Variants in ECT2 observed in about 807,000 individuals in gnomAD.
ECT2 encodes protein ECT2.
ECT2 carries 61 observed loss-of-function variants against 116.9 expected under a neutral mutation model. The observed-to-expected ratio is 0.52, with a 90% CI of 0.42 to 0.65. The LOEUF is 0.65. ECT2 is among the 30% of genes least tolerant of loss of function. The probability of loss-of-function intolerance (pLI) is 0.00; values close to 1 mark genes in which losing one functional copy is unlikely to be tolerated. For missense variants in ECT2, 937 were observed against 1,078.7 expected, an observed-to-expected ratio of 0.87 and a Z score of 1.84; for synonymous variants, 358 against 346.4, an observed-to-expected ratio of 1.03 and a Z score of -0.37.
rs1717148960 is a variant in ECT2 at position 172,757,142 on chromosome 3, T to G, written c.463T>G (p.Leu155Val). 3 of 1,510,836 alleles carry G rather than the reference T, an allele frequency of 2.0e-6. No individual in the cohort carries two copies. The highest frequency in any genetic ancestry group is 2.6e-6 in the Non-Finnish European group (3 of 1,134,968). The allele number at this position is 1,510,836 out of a possible 1,614,324, so 93.6% of individuals were successfully genotyped here. A position where few individuals can be genotyped will look rare whatever the true frequency, so the allele number is the denominator to read the frequency against. Residue 155 changes from leucine to valine, a missense_variant, in exon 5 of 25, where the codon TTA (leucine) becomes GTA (valine). Coordinates refer to ENST00000392692, the MANE Select transcript of ECT2 (RefSeq NM_001258315.2). Reference sequence around the variant, plus strand: ...TAGAGTTATTGGACCACCAGTTGTATTAAATTGTTCACAAAAAGGAGAGGT... The same window carrying G: ...TAGAGTTATTGGACCACCAGTTGTAGTAAATTGTTCACAAAAAGGAGAGGT... ...DCRVIGPPVV[L>V]NCSQKGEPLP...
At chr3:172,805,610 A>G in intron 20 of ECT2, 121 bp from the exon 21 acceptor site, 1 of 979,882 alleles carries the variant, frequency 1.0e-6, no homozygotes, top group Non-Finnish European at 1.5e-6. Context: ...ACAACTTTGT[A>G]ACGAATAATA....
intron 12 of ECT2, among the ~76,000 whole-genome samples, chr3:172,766,726 A>G (rs576707537): frequency 2.0e-5 from 3 of 152,340 alleles, no homozygotes; most frequent in African/African-American, 7.2e-5. Context: ...GAGAAATCCA[A>G]GTTACATTAA....
intron 14 of ECT2, among the ~76,000 whole-genome samples, chr3:172,775,971 G>A (rs1721590711): frequency 6.6e-6 from 1 of 152,088 alleles, no homozygotes; most frequent in African/African-American, 2.4e-5. Flanking sequence ...CTAACTTTGT[G>A]GATCAATTTG....
chr3:172,820,951 G>A lies in ECT2; in HGVS notation c.*714G>A, dbSNP rs943860204. ...TTTGTAGCTGTTTCAGAGAGAGTAC[G>A]GTATATTTATGGTAATTTTATCCAC... On this transcript the variant is annotated 3_prime_UTR_variant, in exon 25 of 25. Coordinates refer to ENST00000392692, the MANE Select transcript of ECT2 (RefSeq NM_001258315.2). The A allele has an allele frequency of 4.6e-5, 7 of 151,800 alleles. 1 individual carries two copies. The East Asian group carries it at 1.2e-3, about 25-fold the overall frequency. 9.4% of individuals were successfully genotyped at this position (151,800 alleles called of 1,614,324 possible). A position where few individuals can be genotyped will look rare whatever the true frequency, so the allele number is the denominator to read the frequency against.
At chr3:172,788,947 A>G (rs1264960553) in intron 18 of ECT2, among the ~76,000 whole-genome samples, 1 of 151,222 alleles carries the variant, frequency 6.6e-6, no homozygotes, top group Non-Finnish European at 1.5e-5. Context: ...AATCCCAGCT[A>G]CTTGGGAGGC....
the ECT2 span, among the ~76,000 whole-genome samples, chr3:172,826,688 C>T: frequency 6.6e-6 from 1 of 152,188 alleles, no homozygotes; most frequent in Non-Finnish European, 1.5e-5. Flanking sequence ...TTCATTGTTG[C>T]CTTATTTTAA....
chr3:172,799,831 C>G (rs975521522), intron 18 of ECT2, among the ~76,000 whole-genome samples: 2 of 152,128 alleles, frequency 1.3e-5, no homozygotes, highest in Middle Eastern at 3.2e-3. Flanking sequence ...TATTGCTTGT[C>G]TAATCTTTGT....
chr3:172,784,596 C>T (rs770192375), intron 16 of ECT2, 111 bp from the exon 17 acceptor site: 27 of 740,316 alleles, frequency 3.6e-5, no homozygotes, highest in Non-Finnish European at 5.3e-5. Flanking sequence ...TCCACTTCTT[C>T]TCTATTAGTT....
chr3:172,803,513 G>A (rs1480517333), intron 20 of ECT2, among the ~76,000 whole-genome samples: 1 of 152,028 alleles, frequency 6.6e-6, no homozygotes, highest in Non-Finnish European at 1.5e-5. Context: ...TTTTCTTTTT[G>A]TATTACCCCT....
chr3:172,806,406 C>T (rs1727718317), intron 21 of ECT2, among the ~76,000 whole-genome samples: 2 of 152,118 alleles, frequency 1.3e-5, no homozygotes, highest in Non-Finnish European at 2.9e-5. Flanking sequence ...TGTTACAGAG[C>T]AGGTTCTCTG....
intron 18 of ECT2, among the ~76,000 whole-genome samples, chr3:172,790,445 T>C (rs1252688841): frequency 6.6e-6 from 1 of 152,184 alleles, no homozygotes; most frequent in Non-Finnish European, 1.5e-5. Context: ...GTCTAGTGTT[T>C]TACCTATGAA....
chr3:172,784,614 C>A, intron 16 of ECT2, 93 bp from the exon 17 acceptor site: 2 of 863,810 alleles, frequency 2.3e-6, no homozygotes, highest in South Asian at 1.5e-5. Flanking sequence ...GTTTGTATCA[C>A]AGACACTAAT....
At chr3:172,814,018 A>G (rs931409979) in intron 22 of ECT2, among the ~76,000 whole-genome samples, 6 of 152,278 alleles carry the variant, frequency 3.9e-5, no homozygotes, top group Non-Finnish European at 8.8e-5. Flanking sequence ...TCTTAACTCA[A>G]AAAGTAACAT....
At chr3:172,775,062 C>G (rs1335752552) in intron 14 of ECT2, among the ~76,000 whole-genome samples, 1 of 152,190 alleles carries the variant, frequency 6.6e-6, no homozygotes, top group African/African-American at 2.4e-5. Context: ...ATGCTGTCCT[C>G]TTTGGTGAAG....
intron 12 of ECT2, among the ~76,000 whole-genome samples, chr3:172,768,249 A>G (rs1370863535): frequency 2.6e-5 from 4 of 152,112 alleles, no homozygotes; most frequent in East Asian, 1.9e-4. Context: ...TCCTCTTTAC[A>G]TGTAAGTATT....
chr3:172,805,748 C>G lies in ECT2; in HGVS notation c.2124C>G (p.His708Gln). 2 of 1,613,620 alleles carry G rather than the reference C, an allele frequency of 1.2e-6. No individual in the cohort carries two copies. Among genetic ancestry groups the G allele is most frequent in the Non-Finnish European group, 8.5e-7 (1 of 1,179,764 alleles). ...NDCLEIARKRHKVIGTFRSPH... is the reference protein window; with the variant it reads ...NDCLEIARKRQKVIGTFRSPH... ...ATAATCAGATAGCAAGAAAACGGCACAAGGTTATTGGCACTTTTAGGAGTC... is the reference window on the plus strand; with the variant it reads ...ATAATCAGATAGCAAGAAAACGGCAGAAGGTTATTGGCACTTTTAGGAGTC... The change falls in exon 21 of 25, where the codon CAC (histidine) becomes CAG (glutamine). Residue 708 changes from histidine (H) to glutamine (Q), a missense_variant. Physicochemically the swap from His to Gln is conservative, Grantham distance 24 (BLOSUM62 0). Coordinates refer to ENST00000392692, the MANE Select transcript of ECT2 (RefSeq NM_001258315.2).
intron 12 of ECT2, 96 bp downstream of exon 12, chr3:172,764,596 C>T (rs1718966883): frequency 1.8e-6 from 2 of 1,138,676 alleles, no homozygotes; most frequent in Admixed American, 2.2e-5. Flanking sequence ...ATATGGAAGT[C>T]TTTGCCTTTA....
At position 172,815,066 on chromosome 3, in the gene ECT2, G is replaced by A. The variant is rs147198819; in HGVS notation, c.2401-538G>A. ...TTCCTTTGGGAATGTGATACAAGCT[G>A]TGAACCCACTCTTCAGGAATATGCC... is the stretch of plus-strand genomic sequence containing the variant. On this transcript the variant is annotated intron_variant, in intron 22 of 24. Coordinates refer to ENST00000392692, the MANE Select transcript of ECT2 (RefSeq NM_001258315.2). Among the ~76,000 whole-genome samples, 22 of 152,272 alleles carry A rather than the reference G, an allele frequency of 1.4e-4. No individual in the cohort carries two copies. The East Asian group carries it at 4.2e-3, about 29-fold the overall frequency.
At chr3:172,784,673 C>T (rs745337888) in intron 16 of ECT2, 34 bp from the exon 17 acceptor site, 25 of 1,530,682 alleles carry the variant, frequency 1.6e-5, no homozygotes, top group Non-Finnish European at 2.3e-5. Context: ...TTTCAGAAAA[C>T]CTTTTTTGAA....
Sources: allele counts gnomAD v4.1 joint callset (sites outside exome capture counted in the v4.1 genomes callset), GRCh38; gene constraint gnomAD v4.1.1; transcripts MANE v1.5; gene names NCBI Gene and HGNC (gene_info 2026-07-23, HGNC 2026-07-21).